NUP210L: variants seen among roughly 807,000 people sequenced by gnomAD.
The protein encoded by NUP210L is nuclear pore membrane glycoprotein 210-like.
NUP210L carries 74 observed loss-of-function variants against 208.5 expected under a neutral mutation model. The ratio of observed to expected loss-of-function variants is 0.35; its 90% CI spans 0.29 to 0.43. The LOEUF (loss-of-function observed/expected upper bound fraction) is 0.43. Among genes scored for constraint, NUP210L ranks in the 20% least tolerant of loss-of-function variants. The probability of loss-of-function intolerance (pLI) is 1.00; values close to 1 mark genes in which losing one functional copy is unlikely to be tolerated. For missense variants in NUP210L, 1,843 were observed against 2,289.4 expected (o/e 0.81, Z 3.98); for synonymous variants, 780 against 816.9 (o/e 0.95, Z 0.77).
At chr1:154,076,757 C>T (rs919146597) in intron 16 of NUP210L, among the ~76,000 whole-genome samples, 44 of 151,812 alleles carry the variant, frequency 2.9e-4, no homozygotes, top group African/African-American at 1.0e-3. Context: ...TATGCAAAAA[C>T]GGAGTGCTAG....
intron 35 of NUP210L, among the ~76,000 whole-genome samples, chr1:154,009,422 G>A (rs1311913536): frequency 2.6e-5 from 4 of 151,976 alleles, no homozygotes; most frequent in African/African-American, 9.7e-5. Context: ...CAGAGTGAAT[G>A]GGGACTAGCA....
chr1:154,107,009 A>G (rs1361031587), intron 12 of NUP210L, among the ~76,000 whole-genome samples: 1 of 152,200 alleles, frequency 6.6e-6, no homozygotes, highest in Non-Finnish European at 1.5e-5. Context: ...ACAGGAAAAC[A>G]TGGCCTAAAT....
At chr1:154,023,504 A>C (rs897842769) in intron 30 of NUP210L, among the ~76,000 whole-genome samples, 1 of 151,878 alleles carries the variant, frequency 6.6e-6, no homozygotes, top group Non-Finnish European at 1.5e-5. Context: ...TTGAGACAGA[A>C]TCTCACTCTG....
At position 154,087,460 on chromosome 1, in the gene NUP210L, G is replaced by A. The variant is rs1051124388; in HGVS notation, c.2361+1961C>T. 2.0e-5 allele frequency among the ~76,000 whole-genome samples: 3 copies of A among 152,236 alleles called. No individual in the cohort carries two copies. In the East Asian group the frequency reaches 5.8e-4, roughly 29 times the overall value. ...AATAGTAATTGTTGGCAAGGATATG[G>A]AGAACCTGGAAGCCTCACACACTGC... On this transcript the variant is annotated intron_variant, in intron 16 of 39. Coordinates refer to ENST00000368559, the Ensembl canonical transcript of NUP210L.
At chr1:153,999,598 A>G (rs897590844) in intron 37 of NUP210L, among the ~76,000 whole-genome samples, 8 of 151,928 alleles carry the variant, frequency 5.3e-5, no homozygotes, top group East Asian at 3.9e-4. Flanking sequence ...TTAGCAGGGC[A>G]TGGTGGTGTG....
At chr1:154,130,180 A>G (rs550883369) in intron 7 of NUP210L, among the ~76,000 whole-genome samples, 111 of 152,164 alleles carry the variant, frequency 7.3e-4, no homozygotes, top group African/African-American at 2.1e-3. Context: ...CTTTACTAAA[A>G]ATACAAAAAT....
chr1:154,139,716 T>C, intron 5 of NUP210L, 86 bp downstream of exon 5: 2 of 960,468 alleles, frequency 2.1e-6, no homozygotes, highest in Non-Finnish European at 3.1e-6. Flanking sequence ...GGGCGGGTAG[T>C]GCATTCTTGT....
intron 33 of NUP210L, among the ~76,000 whole-genome samples, chr1:154,015,745 A>ACCC (rs1342657705): frequency 3.3e-5 from 5 of 150,688 alleles, no homozygotes; most frequent in African/African-American, 1.2e-4. Flanking sequence ...ACACACACAC[A>ACCC]CACACCCCAC....
chr1:154,107,087 C>T (rs746840380), intron 12 of NUP210L, among the ~76,000 whole-genome samples: 9 of 152,116 alleles, frequency 5.9e-5, no homozygotes, highest in Non-Finnish European at 8.8e-5. Context: ...TTCAAAACAG[C>T]TGTTTTGCAT....
chr1:154,142,404 T>C (rs1399152211), intron 3 of NUP210L, among the ~76,000 whole-genome samples: 4 of 152,124 alleles, frequency 2.6e-5, no homozygotes, highest in African/African-American at 9.7e-5. Flanking sequence ...ATTATAGCAT[T>C]AATATAGTAT....
intron 16 of NUP210L, among the ~76,000 whole-genome samples, chr1:154,088,012 C>A: frequency 6.6e-6 from 1 of 152,138 alleles, no homozygotes; most frequent in East Asian, 1.9e-4. Context: ...TAGATAGCAC[C>A]GATGGTTGCA....
chr1:154,154,967 C>G, exon 1 of NUP210L: 2 of 1,614,178 alleles, frequency 1.2e-6, no homozygotes, highest in Non-Finnish European at 1.7e-6. Context: ...CCAGAAACAA[C>G]AACAGGAGGC....
intron 33 of NUP210L, among the ~76,000 whole-genome samples, chr1:154,014,115 A>G (rs1177353114): frequency 6.6e-6 from 1 of 152,126 alleles, no homozygotes; most frequent in Admixed American, 6.6e-5. Flanking sequence ...CCTTAGTATT[A>G]CCACAGGTTT....
chr1:154,082,690 T>C (rs1357309735), intron 16 of NUP210L, among the ~76,000 whole-genome samples: 1 of 152,234 alleles, frequency 6.6e-6, no homozygotes, highest in Non-Finnish European at 1.5e-5. Flanking sequence ...GGTAGGTTCT[T>C]GACCAATTAC....
intron 39 of NUP210L, 29 bp from the exon 40 acceptor site, chr1:153,992,964 T>C: frequency 6.2e-7 from 1 of 1,608,176 alleles, no homozygotes; most frequent in South Asian, 1.1e-5. Flanking sequence ...GTTGAGTGAA[T>C]TAAACGTGTG....
chr1:154,106,288 A>G (rs920251855), intron 12 of NUP210L, among the ~76,000 whole-genome samples: 2 of 151,972 alleles, frequency 1.3e-5, no homozygotes, highest in Non-Finnish European at 2.9e-5. Flanking sequence ...AATAAATAAA[A>G]AGATTGGGAA....
chr1:154,150,986 A>T (rs1659353155), intron 2 of NUP210L, among the ~76,000 whole-genome samples: 1 of 152,116 alleles, frequency 6.6e-6, no homozygotes, highest in Non-Finnish European at 1.5e-5. Context: ...ACACAATTGT[A>T]TTAATAGTAA....
At chr1:154,094,671 A>C (rs1656097748) in intron 15 of NUP210L, among the ~76,000 whole-genome samples, 1 of 152,192 alleles carries the variant, frequency 6.6e-6, no homozygotes, top group South Asian at 2.1e-4. Flanking sequence ...ATGTGATTGC[A>C]AATAATGTGA....
At chr1:154,081,461 G>C (rs1289057616) in intron 16 of NUP210L, among the ~76,000 whole-genome samples, 1 of 152,220 alleles carries the variant, frequency 6.6e-6, no homozygotes, top group South Asian at 2.1e-4. Context: ...ATTTATGGTG[G>C]CCCCCTTGGA....
Sources: gnomAD v4.1 joint callset for allele counts (sites outside exome capture counted in the v4.1 genomes callset) on GRCh38, gnomAD v4.1.1 for gene constraint, MANE v1.5 for transcripts, NCBI Gene and HGNC (gene_info 2026-07-23, HGNC 2026-07-21) for gene names.